Variants in DNAH14 observed in about 807,000 individuals in gnomAD.
DNAH14 encodes axonemal beta dynein heavy chain 14.
A neutral mutation model predicts 520.9 loss-of-function variants in DNAH14; 478 were observed. That is an observed-to-expected ratio of 0.92 (90% confidence interval 0.85 to 0.99). The LOEUF (loss-of-function observed/expected upper bound fraction) is 0.99. DNAH14 is among the 50% of genes least tolerant of loss of function. DNAH14 has a pLI of 0.00. For missense variants in DNAH14, 4,831 were observed against 5,234.5 expected (o/e 0.92, Z 2.38); for synonymous variants, 1,581 against 1,757.2 (o/e 0.90, Z 2.51).
intron 1 of DNAH14, among the ~76,000 whole-genome samples, chr1:224,937,417 A>T (rs1571873972): frequency 6.6e-6 from 1 of 152,060 alleles, no homozygotes; most frequent in African/African-American, 2.4e-5. Flanking sequence ...AAAAGCAAAC[A>T]ATCTGAAAAA....
At chr1:225,200,816 C>G (rs181631593) in intron 38 of DNAH14, among the ~76,000 whole-genome samples, 1 of 152,118 alleles carries the variant, frequency 6.6e-6, no homozygotes, top group African/African-American at 2.4e-5. Context: ...CTTTAGATAT[C>G]CTGATGACAG....
rs566110368 is a variant in DNAH14, at chr1:224,969,995, A to G, written c.767+1121A>G. 6.6e-5 allele frequency among the ~76,000 whole-genome samples: 10 copies of G among 152,354 alleles called. No homozygotes were observed. The South Asian group carries it at 1.5e-3, about 22-fold the overall frequency. On this transcript the variant is annotated intron_variant, in intron 7 of 85. Transcript: ENST00000682510. ...CTGGGCACCTTGAAAGAAGAACAGG[A>G]TAACAGCAATGTTCAGGGAACAAGA...
chr1:225,341,081 T>C (rs2095168899), intron 69 of DNAH14, among the ~76,000 whole-genome samples: 1 of 152,206 alleles, frequency 6.6e-6, no homozygotes, highest in Non-Finnish European at 1.5e-5. Context: ...GTATTAATAA[T>C]GAAAAGATAT....
At chr1:225,220,377 C>T (rs1291253518) in intron 41 of DNAH14, among the ~76,000 whole-genome samples, 4 of 152,106 alleles carry the variant, frequency 2.6e-5, no homozygotes, top group Admixed American at 6.5e-5. Flanking sequence ...TGCCTCTGTT[C>T]GCAAATGACA....
At chr1:225,289,535 G>C (rs2093818677) in intron 54 of DNAH14, among the ~76,000 whole-genome samples, 1 of 152,022 alleles carries the variant, frequency 6.6e-6, no homozygotes, top group African/African-American at 2.4e-5. Context: ...AAAAGGAAAA[G>C]ATCTATCTAG....
At chr1:225,202,881 C>A (rs2087044784) in intron 38 of DNAH14, among the ~76,000 whole-genome samples, 1 of 152,188 alleles carries the variant, frequency 6.6e-6, no homozygotes, top group Non-Finnish European at 1.5e-5. Flanking sequence ...CTTCCTCTAC[C>A]CCTGTATTTT....
At position 225,167,945 on chromosome 1, in the gene DNAH14, A is replaced by G; in HGVS notation, c.5452A>G (p.Ile1818Val). The G allele has an allele frequency of 6.6e-7, 1 of 1,508,096 alleles. No homozygotes were observed. The highest frequency in any genetic ancestry group is 8.9e-7 in the Non-Finnish European group (1 of 1,122,820). 93.4% of individuals were successfully genotyped at this position (1,508,096 alleles called of 1,614,324 possible). ...KVNQLALEKV[I>V]YTATQQLGLQ... ...TGTATTTATTTCCTTTTAGAAAGTA[A>G]TATATACTGCAACTCAGCAATTGGG... is the stretch of plus-strand genomic sequence containing the variant. The change falls in exon 36 of 86, where the codon ATA (isoleucine) becomes GTA (valine). Residue 1818 changes from isoleucine (I) to valine (V), a missense_variant. Ile to Val is a conservative substitution (Grantham distance 29). Transcript: ENST00000682510.
chr1:224,976,947 G>A (rs1396286657), intron 8 of DNAH14, among the ~76,000 whole-genome samples: 2 of 151,156 alleles, frequency 1.3e-5, no homozygotes, highest in Non-Finnish European at 3.0e-5. Context: ...TCAGGGATCT[G>A]GAACTAGAAA....
intron 54 of DNAH14, among the ~76,000 whole-genome samples, chr1:225,280,524 G>T (rs142031339): frequency 1.2e-3 from 186 of 152,052 alleles, no homozygotes; most frequent in African/African-American, 4.3e-3. Context: ...ATGTGAACCT[G>T]GGAGGCAGAG....
chr1:225,266,314 C>T (rs1483596524), intron 48 of DNAH14, among the ~76,000 whole-genome samples: 1 of 152,050 alleles, frequency 6.6e-6, no homozygotes, highest in Non-Finnish European at 1.5e-5. Context: ...TAGCCATGTT[C>T]CTGTGTAATA....
intron 43 of DNAH14, among the ~76,000 whole-genome samples, chr1:225,242,593 C>A (rs999141201): frequency 2.6e-5 from 4 of 152,152 alleles, no homozygotes; most frequent in African/African-American, 9.7e-5. Context: ...ACAATGCCTT[C>A]TTCTGGAATA....
At chr1:225,213,564 G>C (rs1294368661) in intron 41 of DNAH14, among the ~76,000 whole-genome samples, 1 of 152,080 alleles carries the variant, frequency 6.6e-6, no homozygotes, top group Non-Finnish European at 1.5e-5. Flanking sequence ...CCATTTGTTT[G>C]TGTCCTCTTT....
At chr1:225,207,273 T>A in intron 41 of DNAH14, 53 bp downstream of exon 41, 1 of 1,408,118 alleles carries the variant, frequency 7.1e-7, no homozygotes, top group Non-Finnish European at 9.3e-7. Flanking sequence ...TAGTCAATGC[T>A]AATTCATCAC....
intron 15 of DNAH14, among the ~76,000 whole-genome samples, chr1:225,045,985 C>T (rs1411236472): frequency 1.3e-5 from 2 of 151,874 alleles, no homozygotes; most frequent in African/African-American, 2.4e-5. Flanking sequence ...TTCTTTCATC[C>T]CATATACATT....
At position 225,080,594 on chromosome 1, in the gene DNAH14, T is replaced by C. The variant is rs1158350958; in HGVS notation, c.2982T>C (p.Gly994=). The C allele has an allele frequency of 6.4e-7, 1 of 1,552,082 alleles. No homozygotes were observed. The highest frequency in any genetic ancestry group is 8.7e-7 in the Non-Finnish European group (1 of 1,147,082). Residue 994 remains glycine, a synonymous_variant, in exon 19 of 86, where the codon GGT becomes GGC. Coordinates refer to ENST00000682510, the MANE Select transcript of DNAH14 (RefSeq NM_001367479.1). ...IVLSEISDIE[G]DLTLRKKLWE... is the part of the protein sequence containing the mutation. The stretch of plus-strand genomic sequence containing the variant: ...TTTCAGAGATCTCTGACATTGAAGG[T>C]GACTTGACTTTGAGGAAAAAACTAT...
chr1:225,277,357 G>A (rs1386738797), intron 53 of DNAH14, 53 bp from the exon 54 acceptor site: 4 of 433,954 alleles, frequency 9.2e-6, no homozygotes, highest in South Asian at 3.4e-5. Flanking sequence ...CACAATGCAC[G>A]TTTGATTTTT....
rs187832767 is a variant in DNAH14 at position 224,960,031 on chromosome 1, T to A, written c.218-122T>A. On this transcript the variant is annotated intron_variant, in intron 3 of 85. Transcript: ENST00000682510. The stretch of plus-strand genomic sequence containing the variant: ...CCAGGCAGTGGGATTCAGCCTGTGC[T>A]CTTAACTACCATGCTATACTGCCTT... 5.7e-3 allele frequency: 5,373 copies of A among 942,772 alleles called. 18 individuals are homozygous for A. The highest frequency in any genetic ancestry group is 7.3e-3 in the Non-Finnish European group (4,954 of 682,362). The allele number at this position is 942,772 out of a possible 1,614,324, so 58.4% of individuals were successfully genotyped here.
chr1:225,155,312 C>T (rs1157188134), intron 34 of DNAH14, among the ~76,000 whole-genome samples: 3 of 151,748 alleles, frequency 2.0e-5, no homozygotes, highest in African/African-American at 7.3e-5. Flanking sequence ...CCTTTTAAAA[C>T]ATAATAATAT....
At chr1:225,091,971 CAAAG>C (rs1458637271) in intron 21 of DNAH14, among the ~76,000 whole-genome samples, 1 of 151,944 alleles carries the variant, frequency 6.6e-6, no homozygotes, top group Non-Finnish European at 1.5e-5. Flanking sequence ...TCAAAAAAGA[CAAAG>C]AAGGGCTTTA....
Sources: allele counts gnomAD v4.1 joint callset (sites outside exome capture counted in the v4.1 genomes callset), GRCh38; gene constraint gnomAD v4.1.1; transcripts MANE v1.5; gene names NCBI Gene and HGNC (gene_info 2026-07-23, HGNC 2026-07-21).